CAMTA1: variants seen among roughly 807,000 people sequenced by gnomAD.
CAMTA1 encodes calmodulin-binding transcription activator 1.
Under a neutral mutation model 170.9 loss-of-function variants are expected in CAMTA1, and 27 were observed. The observed-to-expected ratio is 0.16, with a 90% CI of 0.12 to 0.22. CAMTA1 has a LOEUF of 0.22. CAMTA1 is among the 10% of genes least tolerant of loss of function. CAMTA1 has a pLI of 1.00. For missense variants in CAMTA1, 1,619 were observed against 2,217.2 expected (o/e 0.73, Z 5.42); for synonymous variants, 833 against 891.5 (o/e 0.93, Z 1.17).
chr1:7,548,995 A>G (rs2094756749), intron 6 of CAMTA1, among the ~76,000 whole-genome samples: 1 of 129,490 alleles, frequency 7.7e-6, no homozygotes, highest in Non-Finnish European at 1.6e-5. Flanking sequence ...TTAGGGGTAG[A>G]GGTGCTGGTG....
At chr1:7,240,453 G>C (rs763560442) in intron 4 of CAMTA1, among the ~76,000 whole-genome samples, 6 of 151,182 alleles carry the variant, frequency 4.0e-5, no homozygotes, top group Admixed American at 1.3e-4. Flanking sequence ...TATTTCAGTC[G>C]AATGTTGATG....
At chr1:7,737,034 C>T (rs933235782) in intron 14 of CAMTA1, 25 bp downstream of exon 14, 1 of 1,561,236 alleles carries the variant, frequency 6.4e-7, no homozygotes, top group Non-Finnish European at 8.8e-7. Context: ...CCTGTAGCCC[C>T]CCCTTGCTGT....
chr1:7,182,616 A>G (rs1652442484), intron 4 of CAMTA1, among the ~76,000 whole-genome samples: 1 of 152,214 alleles, frequency 6.6e-6, no homozygotes, highest in African/African-American at 2.4e-5. Context: ...AAGATTGACA[A>G]GTTTGATTAC....
At chr1:6,892,009 CA>C (rs558153675) in intron 3 of CAMTA1, among the ~76,000 whole-genome samples, 11 of 152,304 alleles carry the variant, frequency 7.2e-5, no homozygotes, top group African/African-American at 2.6e-4. Flanking sequence ...AGTCATTGTA[CA>C]GACACATCCT....
In CAMTA1 at chr1:6,954,539, A is replaced by C. The variant is rs1468950485; in HGVS notation, c.234+129329A>C. The stretch of plus-strand genomic sequence containing the variant: ...TGAGGTCTGAGTTTTCCTTTGCAGA[A>C]TAGGAAGAGTCACTCTGTCCCAGCC... On this transcript the variant is annotated intron_variant, in intron 3 of 22. Coordinates refer to ENST00000303635, the MANE Select transcript of CAMTA1 (RefSeq NM_015215.4). Among the ~76,000 whole-genome samples, 6 of 152,312 alleles carry C rather than the reference A, an allele frequency of 3.9e-5. No individual in the cohort carries two copies. In the East Asian group the frequency reaches 1.2e-3, roughly 29 times the overall value.
intron 11 of CAMTA1, among the ~76,000 whole-genome samples, chr1:7,718,216 C>T (rs191265777): frequency 1.0e-3 from 152 of 151,752 alleles, no homozygotes; most frequent in African/African-American, 3.3e-3. Context: ...ACACAGTGGG[C>T]GTTCCGTAAA....
At chr1:7,427,092 G>A (rs910095151) in intron 5 of CAMTA1, among the ~76,000 whole-genome samples, 3 of 152,098 alleles carry the variant, frequency 2.0e-5, no homozygotes, top group African/African-American at 7.2e-5. Context: ...AAGGACAAGC[G>A]AGGCCTCCAG....
intron 7 of CAMTA1, among the ~76,000 whole-genome samples, chr1:7,651,020 G>A (rs1040044494): frequency 3.9e-5 from 6 of 152,262 alleles, no homozygotes; most frequent in South Asian, 2.1e-4. Flanking sequence ...GGAGAGGCAC[G>A]TGGCCGCTCC....
At chr1:7,404,986 G>T (rs2090187080) in intron 5 of CAMTA1, among the ~76,000 whole-genome samples, 1 of 152,008 alleles carries the variant, frequency 6.6e-6, no homozygotes. Flanking sequence ...GACTTATACA[G>T]TTGAGGTGAA....
At chr1:7,737,870 G>C in intron 15 of CAMTA1, 89 bp from the exon 16 acceptor site, 10 of 1,356,028 alleles carry the variant, frequency 7.4e-6, no homozygotes, top group South Asian at 1.4e-5. Context: ...TTTGCACTTT[G>C]TGTCTCTCAG....
intron 3 of CAMTA1, among the ~76,000 whole-genome samples, chr1:6,950,924 C>A (rs1391757324): frequency 5.9e-5 from 9 of 152,212 alleles, no homozygotes; most frequent in Non-Finnish European, 1.5e-5. Context: ...GTTCTGAGGC[C>A]TGAGCTGGGC....
intron 4 of CAMTA1, among the ~76,000 whole-genome samples, chr1:7,194,393 A>G (rs1655123563): frequency 6.6e-6 from 1 of 152,228 alleles, no homozygotes; most frequent in Admixed American, 6.5e-5. Flanking sequence ...ACAGGTATTG[A>G]ATATAATAAA....
At chr1:7,089,557 T>C (rs1641206649) in intron 3 of CAMTA1, among the ~76,000 whole-genome samples, 1 of 137,174 alleles carries the variant, frequency 7.3e-6, no homozygotes, top group African/African-American at 2.6e-5. Flanking sequence ...TCCCATCCCA[T>C]CCCATCCCAT....
intron 5 of CAMTA1, among the ~76,000 whole-genome samples, chr1:7,276,663 A>C (rs1283144013): frequency 6.6e-6 from 1 of 152,086 alleles, no homozygotes; most frequent in Non-Finnish European, 1.5e-5. Flanking sequence ...CTGGGAAATC[A>C]TCAATGTGTC....
At position 7,670,155 on chromosome 1, in the gene CAMTA1, G is replaced by A. The variant is rs1294208114; in HGVS notation, c.2653-756G>A. Among the ~76,000 whole-genome samples the A allele has an allele frequency of 3.9e-5, 6 of 152,182 alleles. No homozygotes were observed. The East Asian group carries it at 5.8e-4, about 15-fold the overall frequency. On this transcript the variant is annotated intron_variant, in intron 9 of 22. Transcript: ENST00000303635. The stretch of plus-strand genomic sequence containing the variant: ...CAGGCTGCATGGTCACTGCTTGCTT[G>A]TGGGACCCCAGGCTAGCTGTGTAGG...
At chr1:6,831,677 C>CT (rs1343823624) in intron 3 of CAMTA1, among the ~76,000 whole-genome samples, 2 of 152,092 alleles carry the variant, frequency 1.3e-5, no homozygotes, top group African/African-American at 2.4e-5. Flanking sequence ...AACTAATGTT[C>CT]TTTTTTTGTT....
At position 7,065,227 on chromosome 1, in the gene CAMTA1, C is replaced by T. The variant is rs971856676; in HGVS notation, c.235-26077C>T. Among the ~76,000 whole-genome samples the T allele has an allele frequency of 6.6e-6, 1 of 151,828 alleles. No individual in the cohort carries two copies. Among genetic ancestry groups the T allele is most frequent in the Non-Finnish European group, 1.5e-5 (1 of 67,974 alleles). On this transcript the variant is annotated intron_variant, in intron 3 of 22. Coordinates refer to ENST00000303635, the MANE Select transcript of CAMTA1 (RefSeq NM_015215.4). The surrounding 1 kb of genome is among the most constrained non-coding windows in gnomAD (Gnocchi z 5.2). ...TGGCAGGGCTCAGGCACTTAGAGGG[C>T]AGGGGAAGGAGGAGGAGATGGTGAT...
chr1:7,440,046 C>T (rs1266898587), intron 5 of CAMTA1, among the ~76,000 whole-genome samples: 1 of 152,258 alleles, frequency 6.6e-6, no homozygotes, highest in Non-Finnish European at 1.5e-5. Flanking sequence ...CAGCACTGGG[C>T]GGGTACCCGC....
chr1:6,880,819 A>C (rs1457648623), intron 3 of CAMTA1, among the ~76,000 whole-genome samples: 3 of 152,234 alleles, frequency 2.0e-5, no homozygotes, highest in Admixed American at 2.0e-4. Context: ...TACTTATTGA[A>C]TACCGAGTAC....
Sources: allele counts gnomAD v4.1 joint callset (sites outside exome capture counted in the v4.1 genomes callset), GRCh38; gene constraint gnomAD v4.1.1; non-coding constraint Gnocchi (gnomAD v3.1); transcripts MANE v1.5; gene names NCBI Gene and HGNC (gene_info 2026-07-23, HGNC 2026-07-21).